BMPR2: variants seen among roughly 807,000 people sequenced by gnomAD.
The protein encoded by BMPR2 is bone morphogenetic protein receptor type-2.
BMPR2 carries 29 observed loss-of-function variants against 100.8 expected under a neutral mutation model. The ratio of observed to expected loss-of-function variants is 0.29; its 90% CI spans 0.21 to 0.39. The LOEUF (loss-of-function observed/expected upper bound fraction) is 0.39. Among genes scored for constraint, BMPR2 ranks in the 10% least tolerant of loss-of-function variants. The probability of loss-of-function intolerance (pLI) is 1.00; values close to 1 mark genes in which losing one functional copy is unlikely to be tolerated. For synonymous variants in BMPR2, 382 were observed against 442.3 expected (o/e 0.86, Z 1.71); for missense variants, 1,011 against 1,274.5 (o/e 0.79, Z 3.15).
chr2:202,447,184 T>G (rs1365339569), intron 1 of BMPR2, among the ~76,000 whole-genome samples: 1 of 149,970 alleles, frequency 6.7e-6, no homozygotes, highest in Admixed American at 6.6e-5. Context: ...GGCAGATGCC[T>G]GTAATCCCAG....
At chr2:202,432,051 G>A (rs2105931790) in intron 1 of BMPR2, among the ~76,000 whole-genome samples, 1 of 150,572 alleles carries the variant, frequency 6.6e-6, no homozygotes, top group East Asian at 1.9e-4. Context: ...GTACAAATGT[G>A]TGTTTGGGGT....
intron 1 of BMPR2, among the ~76,000 whole-genome samples, chr2:202,435,078 G>A (rs1220436534): frequency 1.4e-5 from 2 of 146,390 alleles, no homozygotes; most frequent in Non-Finnish European, 3.0e-5. Flanking sequence ...AAGCTGGATA[G>A]GCTGGGTGTG....
In BMPR2 at chr2:202,376,335, C is replaced by G. The variant is rs1038354587; in HGVS notation, c.-1140C>G. 1.4e-5 allele frequency among the ~76,000 whole-genome samples: 2 copies of G among 146,712 alleles called. No homozygotes were observed. The highest frequency in any genetic ancestry group is 3.0e-5 in the Non-Finnish European group (2 of 66,306). ...AGACTGGCAGCTGCGGCGACTCCCC[C>G]CTTTGTGTCTGGTCTGCTCGGAGCC... On this transcript the variant is annotated 5_prime_UTR_variant, in exon 1 of 13. Transcript: ENST00000374580.
intron 3 of BMPR2, among the ~76,000 whole-genome samples, chr2:202,498,202 T>A (rs1018778225): frequency 6.6e-6 from 1 of 152,176 alleles, no homozygotes; most frequent in Admixed American, 6.5e-5. Flanking sequence ...GATGCGTTGG[T>A]AAGGGCCACT....
At chr2:202,465,078 C>T in intron 2 of BMPR2, 99 bp downstream of exon 2, 1 of 1,470,860 alleles carries the variant, frequency 6.8e-7, no homozygotes, top group Non-Finnish European at 9.4e-7. Context: ...TTCAGAAAAA[C>T]AGTGAATTTA....
At chr2:202,438,868 T>C (rs533001254) in intron 1 of BMPR2, among the ~76,000 whole-genome samples, 1 of 150,884 alleles carries the variant, frequency 6.6e-6, no homozygotes, top group Admixed American at 6.6e-5. Flanking sequence ...TCTTTATTTG[T>C]TGCTTTGTAT....
chr2:202,485,843 C>A (rs990201753), intron 3 of BMPR2, among the ~76,000 whole-genome samples: 1 of 151,870 alleles, frequency 6.6e-6, no homozygotes, highest in Non-Finnish European at 1.5e-5. Flanking sequence ...GGGCACCCAG[C>A]CCCTTTGCCT....
At chr2:202,460,642 TGA>T (rs1692207582) in intron 1 of BMPR2, among the ~76,000 whole-genome samples, 1 of 151,834 alleles carries the variant, frequency 6.6e-6, no homozygotes, top group African/African-American at 2.4e-5. Context: ...GAGGAAACAA[TGA>T]GAACGATAAA....
chr2:202,397,122 C>G (rs2105907683), intron 1 of BMPR2, among the ~76,000 whole-genome samples: 1 of 152,154 alleles, frequency 6.6e-6, no homozygotes, highest in Non-Finnish European at 1.5e-5. Context: ...TTATTGATAT[C>G]TTGAATCTCC....
chr2:202,395,210 C>G (rs547849485), intron 1 of BMPR2, among the ~76,000 whole-genome samples: 4 of 152,270 alleles, frequency 2.6e-5, no homozygotes, highest in Admixed American at 2.6e-4. Context: ...TGTTTCCTCT[C>G]ATGACTTCTT....
rs185659494 is a variant in BMPR2, at chr2:202,513,312, C to T, written c.419-407C>T. On this transcript the variant is annotated intron_variant, in intron 3 of 12. Transcript: ENST00000374580. ...ACGTTGTGTTAAGTACTTAGACTACCATCTAAATCTTACAGCTAACTTGGG... is the reference window on the plus strand; with the variant it reads ...ACGTTGTGTTAAGTACTTAGACTACTATCTAAATCTTACAGCTAACTTGGG... Among the ~76,000 whole-genome samples, 487 of 152,184 alleles carry T rather than the reference C, an allele frequency of 3.2e-3. 2 individuals are homozygous for T. Among genetic ancestry groups the T allele is most frequent in the African/African-American group, 0.011 (472 of 41,532 alleles).
At chr2:202,474,407 G>A (rs1692497314) in intron 3 of BMPR2, among the ~76,000 whole-genome samples, 1 of 151,972 alleles carries the variant, frequency 6.6e-6, no homozygotes, top group Non-Finnish European at 1.5e-5. Context: ...GTTGCAGTAA[G>A]CTGAGATCGT....
chr2:202,390,583 C>G (rs1018924785), intron 1 of BMPR2, among the ~76,000 whole-genome samples: 1 of 152,128 alleles, frequency 6.6e-6, no homozygotes, highest in Non-Finnish European at 1.5e-5. Context: ...ACACATGCCT[C>G]GGCCTCCCAA....
chr2:202,546,264 T>A (rs1428453017), intron 10 of BMPR2, among the ~76,000 whole-genome samples: 1 of 152,222 alleles, frequency 6.6e-6, no homozygotes, highest in African/African-American at 2.4e-5. Flanking sequence ...CAGCTATGTC[T>A]AAAGAAGCCA....
At chr2:202,518,698 T>C in intron 5 of BMPR2, 124 bp from the exon 6 acceptor site, 2 of 850,052 alleles carry the variant, frequency 2.4e-6, no homozygotes, top group Admixed American at 2.0e-5. Flanking sequence ...AATTTCTTGA[T>C]AATGGAATAA....
At position 202,436,192 on chromosome 2, in the gene BMPR2, G is replaced by A. The variant is rs181705955; in HGVS notation, c.77-28617G>A. On this transcript the variant is annotated intron_variant, in intron 1 of 12. Coordinates refer to ENST00000374580, the MANE Select transcript of BMPR2 (RefSeq NM_001204.7). ...ATCTTGGCTAGGCACAGTGGCTTAC[G>A]CCTATAATCCCAGCACTTTGGGAGG... Among the ~76,000 whole-genome samples, 299 of 150,860 alleles carry A rather than the reference G, an allele frequency of 2.0e-3. 2 individuals are homozygous for A. Among genetic ancestry groups the A allele is most frequent in the Non-Finnish European group, 2.1e-3 (146 of 68,028 alleles).
intron 1 of BMPR2, among the ~76,000 whole-genome samples, chr2:202,384,546 T>TTC (rs1294652817): frequency 4.3e-5 from 3 of 70,038 alleles, no homozygotes; most frequent in Non-Finnish European, 8.5e-5. Context: ...CTTTCTTTCT[T>TTC]TCTTTCTTTC....
intron 1 of BMPR2, among the ~76,000 whole-genome samples, chr2:202,431,647 T>C (rs1691504408): frequency 6.6e-6 from 1 of 150,470 alleles, no homozygotes. Context: ...AACATTGTGT[T>C]ATGTTAGTAT....
intron 5 of BMPR2, among the ~76,000 whole-genome samples, 174 bp from the exon 6 acceptor site, chr2:202,518,648 T>C (rs1247647185): frequency 6.6e-6 from 1 of 152,200 alleles, no homozygotes; most frequent in Non-Finnish European, 1.5e-5. Context: ...AGGCTGGGTC[T>C]GGTAGGAGCT....
Sources: gnomAD v4.1 joint callset for allele counts (sites outside exome capture counted in the v4.1 genomes callset) on GRCh38, gnomAD v4.1.1 for gene constraint, MANE v1.5 for transcripts, NCBI Gene and HGNC (gene_info 2026-07-23, HGNC 2026-07-21) for gene names.